The following DNAH14 variants were observed in gnomAD, a reference collection of about 807,000 sequenced individuals.
DNAH14 encodes axonemal beta dynein heavy chain 14.
Under a neutral mutation model 520.9 loss-of-function variants are expected in DNAH14, and 478 were observed. The observed-to-expected ratio is 0.92, with a 90% confidence interval of 0.85 to 0.99. The LOEUF (loss-of-function observed/expected upper bound fraction) is 0.99, where lower values mean the gene tolerates loss of function less well. DNAH14 is among the 50% of genes least tolerant of loss of function. The pLI is 0.00. For synonymous variants in DNAH14, 1,581 were observed against 1,757.2 expected (o/e 0.90, Z 2.51); for missense variants, 4,831 against 5,234.5 (o/e 0.92, Z 2.38).
At chr1:225,354,271 C>A in intron 73 of DNAH14, 1 of 701,782 alleles carries the variant, frequency 1.4e-6, no homozygotes, top group Non-Finnish European at 2.6e-6. Context: ...CTGCTTGTGA[C>A]AGGTAAGTCT....
In DNAH14 at chr1:225,346,452, A is replaced by G; in HGVS notation, c.11098-4A>G. ...TGGATTAATATGTTATATTTTCCCT[A>G]TAGGTGGTTTCTTCAGCTCTATTTA... On this transcript the variant is annotated splice_polypyrimidine_tract_variant and splice_region_variant and intron_variant, in intron 70 of 85. Coordinates refer to ENST00000682510, the MANE Select transcript of DNAH14 (RefSeq NM_001367479.1). The G allele has an allele frequency of 6.5e-7, 1 of 1,544,684 alleles. No homozygotes were observed.
intron 27 of DNAH14, among the ~76,000 whole-genome samples, chr1:225,125,009 T>C (rs931150916): frequency 1.3e-5 from 2 of 152,196 alleles, no homozygotes; most frequent in African/African-American, 2.4e-5. Flanking sequence ...CTGGATGTGT[T>C]GTTAGTGAGC....
At chr1:225,231,280 T>A in intron 42 of DNAH14, 129 bp downstream of exon 42, 1 of 622,812 alleles carries the variant, frequency 1.6e-6, no homozygotes, top group Non-Finnish European at 2.6e-6. Flanking sequence ...CACTTAAATT[T>A]ATTTTATTCC....
At chr1:224,932,390 C>A (rs776517085) in intron 1 of DNAH14, among the ~76,000 whole-genome samples, 14 of 151,996 alleles carry the variant, frequency 9.2e-5, no homozygotes, top group Non-Finnish European at 1.5e-5. Context: ...CAATTTTTTT[C>A]TCCTATTGAA....
At chr1:225,178,515 C>A (rs758628655) in intron 36 of DNAH14, among the ~76,000 whole-genome samples, 2 of 152,148 alleles carry the variant, frequency 1.3e-5, no homozygotes, top group Admixed American at 1.3e-4. Flanking sequence ...CTGGGAGATA[C>A]AATTCAAGTT....
At chr1:225,097,824 A>G (rs1378632520) in intron 22 of DNAH14, among the ~76,000 whole-genome samples, 1 of 152,038 alleles carries the variant, frequency 6.6e-6, no homozygotes, top group Non-Finnish European at 1.5e-5. Flanking sequence ...CTACAATATT[A>G]TGTGTTTCTT....
At chr1:225,306,625 A>C (rs1272627799) in intron 58 of DNAH14, among the ~76,000 whole-genome samples, 1 of 152,056 alleles carries the variant, frequency 6.6e-6, no homozygotes, top group East Asian at 1.9e-4. Flanking sequence ...TCCCTATCAC[A>C]GTCATTCACC....
intron 54 of DNAH14, among the ~76,000 whole-genome samples, chr1:225,285,518 C>A: frequency 6.6e-6 from 1 of 152,032 alleles, no homozygotes; most frequent in Admixed American, 6.6e-5. Flanking sequence ...GCACTCCAGC[C>A]TGGGTGATAG....
chr1:225,350,505 G>A (rs1236797748), intron 71 of DNAH14, among the ~76,000 whole-genome samples: 1 of 151,884 alleles, frequency 6.6e-6, no homozygotes, highest in Non-Finnish European at 1.5e-5. Flanking sequence ...TGCAAACCTT[G>A]AGCTCAGTTA....
At chr1:225,243,574 T>C (rs948342762) in intron 43 of DNAH14, among the ~76,000 whole-genome samples, 1 of 152,034 alleles carries the variant, frequency 6.6e-6, no homozygotes, top group Non-Finnish European at 1.5e-5. Flanking sequence ...GATAAATGAA[T>C]GGCATCCATT....
chr1:225,260,981 T>C (rs1208818010), intron 46 of DNAH14, among the ~76,000 whole-genome samples: 1 of 152,246 alleles, frequency 6.6e-6, no homozygotes, highest in Non-Finnish European at 1.5e-5. Context: ...CATTTTTGTA[T>C]GTTGAGTTTG....
At chr1:225,057,382 T>G (rs1286471529) in intron 17 of DNAH14, among the ~76,000 whole-genome samples, 1 of 152,220 alleles carries the variant, frequency 6.6e-6, no homozygotes, top group Admixed American at 6.5e-5. Flanking sequence ...TGATTTTGTA[T>G]CCTGGGACTT....
At position 225,007,434 on chromosome 1, in the gene DNAH14, T is replaced by C; in HGVS notation, c.997T>C (p.Ser333Pro). The change falls in exon 10 of 86, where the codon TCT becomes CCT. Residue 333 changes from serine (S) to proline (P), a missense_variant. Ser to Pro is a moderately conservative substitution (Grantham distance 74, BLOSUM62 -1). Transcript: ENST00000682510. ...LVKLDSSRTY[S>P]LDEFCEEQLQ... Reference sequence around the variant, plus strand: ...TTAGCTGGATAGTTCTCGAACATATTCTCTAGATGAATTTTGTGAAGAGCA... The same window carrying C: ...TTAGCTGGATAGTTCTCGAACATATCCTCTAGATGAATTTTGTGAAGAGCA... 6.5e-7 allele frequency: 1 copy of C among 1,538,258 alleles called. No individual in the cohort carries two copies. Among genetic ancestry groups the C allele is most frequent in the Non-Finnish European group, 8.8e-7 (1 of 1,139,490 alleles).
intron 19 of DNAH14, among the ~76,000 whole-genome samples, chr1:225,081,411 A>C (rs1393231441): frequency 6.6e-6 from 1 of 152,182 alleles, no homozygotes; most frequent in African/African-American, 2.4e-5. Context: ...AAAGAGAACA[A>C]TTGGGGGCAA....
At chr1:225,357,358 G>A (rs1465814882) in intron 73 of DNAH14, among the ~76,000 whole-genome samples, 2 of 151,984 alleles carry the variant, frequency 1.3e-5, no homozygotes, top group Admixed American at 6.6e-5. Flanking sequence ...TACAACAGTG[G>A]AGAAATGTAA....
At position 225,207,631 on chromosome 1, in the gene DNAH14, A is replaced by T. The variant is rs550311019; in HGVS notation, c.6439+411A>T. Reference sequence around the variant, plus strand: ...GAGGGATAAACAGATTCAGAAAATCATGTAGTATTATAGATAAGATATTGG... The same window carrying T: ...GAGGGATAAACAGATTCAGAAAATCTTGTAGTATTATAGATAAGATATTGG... On this transcript the variant is annotated intron_variant, in intron 41 of 85. Coordinates refer to ENST00000682510, the MANE Select transcript of DNAH14 (RefSeq NM_001367479.1). Among the ~76,000 whole-genome samples the T allele has an allele frequency of 2.6e-5, 4 of 152,336 alleles. No homozygotes were observed. The East Asian group carries it at 5.8e-4, about 22-fold the overall frequency.
intron 66 of DNAH14, among the ~76,000 whole-genome samples, chr1:225,334,845 G>C (rs2094879563): frequency 6.6e-6 from 1 of 150,912 alleles, no homozygotes; most frequent in Non-Finnish European, 1.5e-5. Flanking sequence ...CTCCAGCATG[G>C]GAGACAAGCC....
At chr1:225,073,196 A>G (rs1007985740) in intron 17 of DNAH14, among the ~76,000 whole-genome samples, 1 of 152,110 alleles carries the variant, frequency 6.6e-6, no homozygotes, top group Non-Finnish European at 1.5e-5. Context: ...ACACGCTTAA[A>G]AAAGCAGTCT....
intron 79 of DNAH14, 143 bp from the exon 80 acceptor site, chr1:225,380,016 G>T (rs2095759871): frequency 3.8e-6 from 3 of 792,168 alleles, no homozygotes; most frequent in East Asian, 2.8e-5. Flanking sequence ...ATCTATTTTT[G>T]TTACCTATAC....
Sources: gnomAD v4.1 joint callset for allele counts (sites outside exome capture counted in the v4.1 genomes callset) on GRCh38, gnomAD v4.1.1 for gene constraint, MANE v1.5 for transcripts, NCBI Gene and HGNC (gene_info 2026-07-23, HGNC 2026-07-21) for gene names.